Variants in AFG1L observed in about 807,000 individuals in gnomAD.
AFG1L encodes the protein AFG1-like ATPase.
Under a neutral mutation model 62.2 loss-of-function variants are expected in AFG1L, and 53 were observed. The ratio of observed to expected loss-of-function variants is 0.85; its 90% confidence interval spans 0.68 to 1.07. AFG1L has a LOEUF of 1.07. Among genes scored for constraint, AFG1L ranks in the 50% least tolerant of loss-of-function variants. The pLI, the probability that AFG1L is intolerant of heterozygous loss-of-function variation, is 0.00. For synonymous variants in AFG1L, 228 were observed against 210.3 expected (o/e 1.08, Z -0.73); for missense variants, 555 against 590.5 (o/e 0.94, Z 0.62).
intron 6 of AFG1L, among the ~76,000 whole-genome samples, chr6:108,385,055 A>G (rs572549303): frequency 1.3e-5 from 2 of 152,360 alleles, no homozygotes; most frequent in Admixed American, 1.3e-4. Context: ...TGAAACACAT[A>G]AATTTATAGA....
chr6:108,468,677 G>A (rs1430149260), intron 8 of AFG1L, among the ~76,000 whole-genome samples: 4 of 145,042 alleles, frequency 2.8e-5, no homozygotes, highest in Admixed American at 7.1e-5. Context: ...CATATTCTCC[G>A]GAACTCCTCC....
intron 6 of AFG1L, among the ~76,000 whole-genome samples, chr6:108,370,006 C>A (rs528827206): frequency 6.7e-6 from 1 of 149,046 alleles, no homozygotes; most frequent in South Asian, 2.1e-4. Context: ...ATAGAACCAA[C>A]TTCTTAGACT....
intron 10 of AFG1L, among the ~76,000 whole-genome samples, chr6:108,483,413 A>C (rs1315045503): frequency 2.0e-5 from 3 of 152,186 alleles, no homozygotes; most frequent in African/African-American, 7.2e-5. Context: ...TAAAAGTATA[A>C]AGGAGTCCTG....
intron 10 of AFG1L, among the ~76,000 whole-genome samples, chr6:108,509,748 G>A (rs1442576532): frequency 6.6e-6 from 1 of 152,134 alleles, no homozygotes; most frequent in Admixed American, 6.5e-5. Context: ...ACTGCCCTTG[G>A]TTTCACCAAA....
intron 7 of AFG1L, among the ~76,000 whole-genome samples, chr6:108,438,596 TG>T (rs955443635): frequency 6.6e-6 from 1 of 151,968 alleles, no homozygotes; most frequent in African/African-American, 2.4e-5. Flanking sequence ...AACTGTAAAA[TG>T]GGGATTTAAA....
In AFG1L at chr6:108,446,511, T is replaced by TTG. The variant is rs556248422; in HGVS notation, c.808-692_808-691dup. 2.0e-3 allele frequency among the ~76,000 whole-genome samples: 199 copies of TTG among 97,840 alleles called. 2 individuals are homozygous for TTG. The highest frequency in any genetic ancestry group is 3.4e-3 in the Admixed American group (31 of 9,112). 64.2% of individuals were successfully genotyped at this position (97,840 alleles called of 152,430 possible). A position where few individuals can be genotyped will look rare whatever the true frequency, so the allele number is the denominator to read the frequency against. On this transcript the variant is annotated intron_variant, in intron 7 of 12. Coordinates refer to ENST00000368977, the MANE Select transcript of AFG1L (RefSeq NM_145315.5). ...TCTCTCTTTTTTTTTTTTTTTTTTT[T>TTG]TGTGTGTGTGTGAGACAAGGTCTTG...
At chr6:108,422,952 C>A (rs1196772510) in intron 7 of AFG1L, among the ~76,000 whole-genome samples, 2 of 152,040 alleles carry the variant, frequency 1.3e-5, no homozygotes, top group South Asian at 2.1e-4. Context: ...AATAAAGTAG[C>A]CTTTTATACT....
chr6:108,395,549 G>A (rs562280288), intron 6 of AFG1L, among the ~76,000 whole-genome samples: 3 of 151,472 alleles, frequency 2.0e-5, no homozygotes, highest in African/African-American at 7.3e-5. Flanking sequence ...CTACAGGCAT[G>A]TACCACCACT....
At chr6:108,422,734 T>C (rs1770658233) in intron 7 of AFG1L, among the ~76,000 whole-genome samples, 3 of 151,958 alleles carry the variant, frequency 2.0e-5, no homozygotes. Context: ...ATTATTCTTT[T>C]AACGTATTTT....
In AFG1L at chr6:108,441,698, A is replaced by AC. The variant is rs1771551841; in HGVS notation, c.808-5516_808-5515insC. On this transcript the variant is annotated intron_variant, in intron 7 of 12. Transcript: ENST00000368977. The stretch of plus-strand genomic sequence containing the variant: ...AATGAAATCTGAAAATCTGAGGTTT[A>AC]TTTAAAAAAAAAAAATATATATATA... Among the ~76,000 whole-genome samples, 5 of 124,496 alleles carry AC rather than the reference A, an allele frequency of 4.0e-5. No homozygotes were observed. The South Asian group carries it at 1.4e-3, about 35-fold the overall frequency. The allele number at this position is 124,496 out of a possible 152,430, so 81.7% of individuals were successfully genotyped here. A position where few individuals can be genotyped will look rare whatever the true frequency, so the allele number is the denominator to read the frequency against.
chr6:108,336,630 C>T (rs1471669176), intron 2 of AFG1L, among the ~76,000 whole-genome samples: 3 of 152,116 alleles, frequency 2.0e-5, no homozygotes, highest in Non-Finnish European at 4.4e-5. Flanking sequence ...CAAATGTCTA[C>T]AATACAAATA....
intron 2 of AFG1L, among the ~76,000 whole-genome samples, chr6:108,332,087 A>G (rs905761284): frequency 6.6e-6 from 1 of 152,254 alleles, no homozygotes; most frequent in Middle Eastern, 3.2e-3. Context: ...CATTGCACTC[A>G]GAGCAGCCAC....
At chr6:108,375,373 T>C (rs1246646715) in intron 6 of AFG1L, among the ~76,000 whole-genome samples, 2 of 151,950 alleles carry the variant, frequency 1.3e-5, no homozygotes, top group African/African-American at 4.8e-5. Flanking sequence ...TGAATAGGAG[T>C]GGTGAGAGTG....
chr6:108,512,244 G>A (rs536275529), intron 11 of AFG1L, among the ~76,000 whole-genome samples: 62 of 152,354 alleles, frequency 4.1e-4, no homozygotes, highest in Non-Finnish European at 7.3e-4. Flanking sequence ...CCAGCATGGG[G>A]AGTTTGCAGC....
intron 2 of AFG1L, among the ~76,000 whole-genome samples, chr6:108,329,048 G>A (rs1778168051): frequency 6.6e-6 from 1 of 151,896 alleles, no homozygotes; most frequent in African/African-American, 2.4e-5. Context: ...TTTTCTAATA[G>A]TATTTGTCTT....
At chr6:108,368,127 T>G (rs564445253) in intron 6 of AFG1L, among the ~76,000 whole-genome samples, 45 of 152,258 alleles carry the variant, frequency 3.0e-4, no homozygotes, top group Admixed American at 4.6e-4. Flanking sequence ...GTTGTTCCAT[T>G]TTATTGATTT....
At chr6:108,452,825 G>T (rs1343561241) in intron 8 of AFG1L, among the ~76,000 whole-genome samples, 1 of 152,114 alleles carries the variant, frequency 6.6e-6, no homozygotes, top group Admixed American at 6.5e-5. Flanking sequence ...CCTGCAACAG[G>T]CAGTGAATTG....
At chr6:108,474,494 C>T (rs1427871200) in intron 8 of AFG1L, among the ~76,000 whole-genome samples, 1 of 152,166 alleles carries the variant, frequency 6.6e-6, no homozygotes, top group African/African-American at 2.4e-5. Context: ...AATTTACATT[C>T]CCACCAACAA....
At chr6:108,312,373 T>C (rs961398131) in intron 1 of AFG1L, among the ~76,000 whole-genome samples, 1 of 151,904 alleles carries the variant, frequency 6.6e-6, no homozygotes, top group African/African-American at 2.4e-5. Context: ...ACCCTGTCTC[T>C]ACAAAAAAGT....
Sources: gnomAD v4.1 joint callset for allele counts (sites outside exome capture counted in the v4.1 genomes callset) on GRCh38, gnomAD v4.1.1 for gene constraint, MANE v1.5 for transcripts, NCBI Gene and HGNC (gene_info 2026-07-23, HGNC 2026-07-21) for gene names.